Variants in WDR73 observed in about 807,000 individuals in gnomAD.
The protein encoded by WDR73 is integrator complex assembly factor WDR73.
WDR73 carries 30 observed loss-of-function variants against 38.2 expected under a neutral mutation model. That is an observed-to-expected ratio of 0.79 (90% CI 0.59 to 1.06). The LOEUF is 1.06. Among genes scored for constraint, WDR73 ranks in the 50% least tolerant of loss-of-function variants. The pLI, the probability that WDR73 is intolerant of heterozygous loss-of-function variation, is 0.00. For synonymous variants in WDR73, 197 were observed against 176.0 expected, an observed-to-expected ratio of 1.12 and a Z score of -0.94; for missense variants, 487 against 467.0, an observed-to-expected ratio of 1.04 and a Z score of -0.40.
intron 1 of WDR73, 50 bp from the exon 2 acceptor site, chr15:84,653,749 A>G (rs775916833): frequency 4.2e-6 from 6 of 1,428,350 alleles, no homozygotes; most frequent in Non-Finnish European, 1.9e-6. Flanking sequence ...TTCACAGCTC[A>G]AAGAACTCCA....
chr15:84,654,157 G>A (rs1896715993), intron 1 of WDR73, 77 bp downstream of exon 1: 1 of 1,591,428 alleles, frequency 6.3e-7, no homozygotes, highest in Non-Finnish European at 8.6e-7. Context: ...GATCCCCAAC[G>A]TGCCTCCACC....
In WDR73 at chr15:84,640,868, G is replaced by A. The variant is rs1016522598; in HGVS notation, c.*2602C>T. The stretch of plus-strand genomic sequence containing the variant: ...TCATCTGGACAGTGGACATTGTGAT[G>A]GTTTCTACCTCCCTGGGCTGTTATG... On this transcript the variant is annotated 3_prime_UTR_variant, in exon 8 of 8. Coordinates refer to ENST00000434634, the MANE Select transcript of WDR73 (RefSeq NM_032856.5). The A allele has an allele frequency of 6.6e-6, 1 of 152,148 alleles. No homozygotes were observed. Among genetic ancestry groups the A allele is most frequent in the East Asian group, 1.9e-4 (1 of 5,204 alleles). The allele number at this position is 152,148 out of a possible 1,614,324, so 9.4% of individuals were successfully genotyped here.
chr15:84,645,354 G>A lies in WDR73; in HGVS notation c.883+117C>T, dbSNP rs1163923973. 2.6e-6 allele frequency: 4 copies of A among 1,543,656 alleles called. No individual in the cohort carries two copies. The East Asian group carries it at 9.8e-5, about 38-fold the overall frequency. On this transcript the variant is annotated intron_variant, in intron 7 of 7. Coordinates refer to ENST00000434634, the MANE Select transcript of WDR73 (RefSeq NM_032856.5). ...CTGGAGAGTTCGAATTTCTCTGTGA[G>A]CAACTTTAACTCCTGGAGCCAGGTT...
chr15:84,647,853 C>G, intron 5 of WDR73, 37 bp downstream of exon 5: 1 of 1,609,538 alleles, frequency 6.2e-7, no homozygotes, highest in Non-Finnish European at 8.5e-7. Context: ...TCACACTTTC[C>G]TAGAACCCCA....
chr15:84,652,839 TAGAA>T (rs1371314701), intron 2 of WDR73, 37 bp from the exon 3 acceptor site: 2 of 1,338,020 alleles, frequency 1.5e-6, no homozygotes, highest in African/African-American at 3.0e-5. Flanking sequence ...CACAAATTGT[TAGAA>T]AGATTGCAGA....
At chr15:84,649,665 T>C (rs1421084483) in intron 3 of WDR73, among the ~76,000 whole-genome samples, 2 of 152,100 alleles carry the variant, frequency 1.3e-5, no homozygotes, top group Non-Finnish European at 2.9e-5. Context: ...AGACAGGGTT[T>C]TGCCATGTTG....
chr15:84,645,846 C>G lies in WDR73; in HGVS notation c.518-10G>C. On this transcript the variant is annotated splice_polypyrimidine_tract_variant and intron_variant, in intron 6 of 7. Transcript: ENST00000434634. ...TCACTGTCACTGACATCTGGAAGAC[C>G]GACAGCAAAGGAGACAAGCGGCTGG... 4 of 1,613,562 alleles carry G rather than the reference C, an allele frequency of 2.5e-6. No homozygotes were observed. In the South Asian group the frequency reaches 4.4e-5, roughly 18 times the overall value.
chr15:84,641,881 A>G lies in WDR73; in HGVS notation c.*1589T>C, dbSNP rs980256204. ...TAAATAAAAATCTTTCTTTTTTTTT[A>G]GAGACAGGGGTTCACCATGGTGCCC... On this transcript the variant is annotated 3_prime_UTR_variant, in exon 8 of 8. Coordinates refer to ENST00000434634, the MANE Select transcript of WDR73 (RefSeq NM_032856.5). 1 of 151,712 alleles carries G rather than the reference A, an allele frequency of 6.6e-6. No individual in the cohort carries two copies. The highest frequency in any genetic ancestry group is 2.4e-5 in the African/African-American group (1 of 41,324). The allele number at this position is 151,712 out of a possible 1,614,324, so 9.4% of individuals were successfully genotyped here.
At chr15:84,650,008 G>C (rs1360027536) in intron 3 of WDR73, among the ~76,000 whole-genome samples, 1 of 152,176 alleles carries the variant, frequency 6.6e-6, no homozygotes, top group East Asian at 1.9e-4. Context: ...CACTCCTAAT[G>C]GCCCTGGTAG....
rs766663754 is a variant in WDR73 at position 84,647,984 on chromosome 15, C to T, written c.288-30G>A. ...TCAGAAAAGACAAAATCAGTCCAGACCATGGGGAGCTTATCCACACAGGTC... is the reference window on the plus strand; with the variant it reads ...TCAGAAAAGACAAAATCAGTCCAGATCATGGGGAGCTTATCCACACAGGTC... On this transcript the variant is annotated intron_variant, in intron 4 of 7. Coordinates refer to ENST00000434634, the MANE Select transcript of WDR73 (RefSeq NM_032856.5). 3.1e-6 allele frequency: 5 copies of T among 1,607,572 alleles called. No individual in the cohort carries two copies. The African/African-American group carries it at 4.0e-5, about 13-fold the overall frequency.
rs1896189203 is a variant in WDR73, at chr15:84,639,372, T to C, written c.*4098A>G. On this transcript the variant is annotated 3_prime_UTR_variant, in exon 8 of 8. Coordinates refer to ENST00000434634, the MANE Select transcript of WDR73 (RefSeq NM_032856.5). The stretch of plus-strand genomic sequence containing the variant: ...GGCCTGAATTTTTTTTTCTAGTTGT[T>C]CTTTTCACTGAGCTTTCCCAAGAAT... The C allele has an allele frequency of 6.6e-6, 1 of 151,996 alleles. No homozygotes were observed. The highest frequency in any genetic ancestry group is 1.5e-5 in the Non-Finnish European group (1 of 68,012). 9.4% of individuals were successfully genotyped at this position (151,996 alleles called of 1,614,324 possible). A position where few individuals can be genotyped will look rare whatever the true frequency, so the allele number is the denominator to read the frequency against.
chr15:84,650,638 T>C (rs62021197), intron 3 of WDR73, among the ~76,000 whole-genome samples: 30,401 of 151,850 alleles, frequency 0.2, 3,728 homozygotes, highest in Middle Eastern at 0.36. Context: ...GGATTACAGG[T>C]GTGAGCCACG....
chr15:84,654,043 G>A (rs563678323), intron 1 of WDR73, 191 bp downstream of exon 1: 3 of 710,740 alleles, frequency 4.2e-6, no homozygotes, highest in Admixed American at 5.6e-5. Context: ...CTCACAACGC[G>A]CGCACGCAGG....
rs12914433 is a variant in WDR73 at position 84,641,732 on chromosome 15, G to A, written c.*1738C>T. On this transcript the variant is annotated 3_prime_UTR_variant, in exon 8 of 8. Transcript: ENST00000434634. ...GGGTTTCACCATGTTGGCCAGGCTG[G>A]TCTTGAACTCCTGACCTCAAGTGAT... 29,239 of 152,020 alleles carry A rather than the reference G, an allele frequency of 0.19. 3,594 individuals are homozygous for A. Among genetic ancestry groups the A allele is most frequent in the Middle Eastern group, 0.35 (104 of 296 alleles). The allele number at this position is 152,020 out of a possible 1,614,324, so 9.4% of individuals were successfully genotyped here.
At position 84,646,305 on chromosome 15, in the gene WDR73, C is replaced by A. The variant is rs1368615100; in HGVS notation, c.396G>T (p.Glu132Asp). 9 of 1,613,816 alleles carry A rather than the reference C, an allele frequency of 5.6e-6. No individual in the cohort carries two copies. Among genetic ancestry groups the A allele is most frequent in the South Asian group, 1.1e-5 (1 of 91,088 alleles). The change falls in exon 6 of 8, where the codon GAG becomes GAT. Residue 132 changes from glutamate to aspartate, a missense_variant. Transcript: ENST00000434634. ...AVSTIAVHEK[E>D]ESLWPRVAVF... ...CGGCCACCCTAGGCCAGAGACTCTC[C>A]TCTTTCTCATGCACAGCAATGGTGC...
chr15:84,646,716 G>T lies in WDR73; in HGVS notation c.353-368C>A, dbSNP rs144822750. 4.2e-3 allele frequency: 845 copies of T among 200,890 alleles called. 12 individuals carry two copies. The highest frequency in any genetic ancestry group is 0.019 in the African/African-American group (793 of 42,724). The allele number at this position is 200,890 out of a possible 1,614,324, so 12.4% of individuals were successfully genotyped here. A position where few individuals can be genotyped will look rare whatever the true frequency, so the allele number is the denominator to read the frequency against. ...CCTTCAGCGACAAGAAACAGGTACAGAATTCATGAACTGATATTATTTCTT... is the reference window on the plus strand; with the variant it reads ...CCTTCAGCGACAAGAAACAGGTACATAATTCATGAACTGATATTATTTCTT... On this transcript the variant is annotated intron_variant, in intron 5 of 7. Coordinates refer to ENST00000434634, the MANE Select transcript of WDR73 (RefSeq NM_032856.5).
At chr15:84,645,226 TCCA>T (rs1191076420) in intron 7 of WDR73, 1 of 1,392,220 alleles carries the variant, frequency 7.2e-7, no homozygotes, top group Non-Finnish European at 9.4e-7. Context: ...TGCAGGCCCC[TCCA>T]CCAACCTGAG....
At position 84,647,917 on chromosome 15, in the gene WDR73, G is replaced by A; in HGVS notation, c.325C>T (p.Gln109Ter). ...VTSGLPGCYL[Q>*]VWQVAEDSDV... ...CTGTCCTCTGCAACCTGCCACACCT[G>A]CAGATAACAACCTGGAAGGCCACTG... The change falls in exon 5 of 8, where the codon CAG becomes TAG. Residue 109 changes from glutamine (Q) to a stop codon, truncating the protein, a stop_gained. Coordinates refer to ENST00000434634, the MANE Select transcript of WDR73 (RefSeq NM_032856.5). LOFTEE classifies it high-confidence loss of function. 2 of 1,613,946 alleles carry A rather than the reference G, an allele frequency of 1.2e-6. No individual in the cohort carries two copies. Among genetic ancestry groups the A allele is most frequent in the Non-Finnish European group, 1.7e-6 (2 of 1,179,878 alleles).
At position 84,641,776 on chromosome 15, in the gene WDR73, C is replaced by G. The variant is rs920639078; in HGVS notation, c.*1694G>C. ...AAGTGATCCACCCACCTTGGCCCCC[C>G]ACAAAGTGCTGGGATTACAGGCGTG... On this transcript the variant is annotated 3_prime_UTR_variant, in exon 8 of 8. Coordinates refer to ENST00000434634, the MANE Select transcript of WDR73 (RefSeq NM_032856.5). 9 of 152,298 alleles carry G rather than the reference C, an allele frequency of 5.9e-5. No individual in the cohort carries two copies. Among genetic ancestry groups the G allele is most frequent in the Admixed American group, 3.9e-4 (6 of 15,304 alleles). The allele number at this position is 152,298 out of a possible 1,614,324, so 9.4% of individuals were successfully genotyped here.
Sources: gnomAD v4.1 joint callset for allele counts (sites outside exome capture counted in the v4.1 genomes callset) on GRCh38, gnomAD v4.1.1 for gene constraint, MANE v1.5 for transcripts, NCBI Gene and HGNC (gene_info 2026-07-23, HGNC 2026-07-21) for gene names.